LMF1: variants seen among roughly 807,000 people sequenced by gnomAD.
LMF1 encodes transmembrane protein 112.
LMF1 carries 68 observed loss-of-function variants against 60.6 expected under a neutral mutation model. The observed-to-expected ratio is 1.12, with a 90% CI of 0.92 to 1.37. The LOEUF is 1.37. LMF1 is among the 40% of genes most tolerant of loss of function. The pLI is 0.00. For missense variants in LMF1, 948 were observed against 767.2 expected, an observed-to-expected ratio of 1.24 and a Z score of -2.78; for synonymous variants, 418 against 324.7, an observed-to-expected ratio of 1.29 and a Z score of -3.09.
At chr16:979,084 C>A (rs549219645) in intron 1 of LMF1, 123 of 453,972 alleles carry the variant, frequency 2.7e-4, no homozygotes, top group Middle Eastern at 1.4e-3. Context: ...TGAGGGTGGC[C>A]CGGCTCCATC....
chr16:893,090 G>A lies in LMF1; in HGVS notation c.664-18C>T. The A allele has an allele frequency of 1.3e-6, 2 of 1,551,606 alleles. No homozygotes were observed. The highest frequency in any genetic ancestry group is 1.7e-6 in the Non-Finnish European group (2 of 1,147,152). On this transcript the variant is annotated intron_variant, in intron 4 of 10. Transcript: ENST00000262301. ...ATCAGGCCCTGCAAGGAAGAGAGCA[G>A]AGGGAGAGTCAGTCACAGGGGCTGG...
intron 1 of LMF1, among the ~76,000 whole-genome samples, chr16:978,096 CGGA>C (rs1567350755): frequency 5.1e-5 from 7 of 137,244 alleles, no homozygotes; most frequent in African/African-American, 8.4e-5. Context: ...CAAACACACA[CGGA>C]CACACACACA....
At chr16:912,416 A>T (rs1416198869) in intron 3 of LMF1, among the ~76,000 whole-genome samples, 1 of 152,214 alleles carries the variant, frequency 6.6e-6, no homozygotes, top group Non-Finnish European at 1.5e-5. Flanking sequence ...ATACTACGGT[A>T]AAGTCAAAAG....
At chr16:952,251 C>T (rs1446674806) in intron 2 of LMF1, among the ~76,000 whole-genome samples, 6 of 152,104 alleles carry the variant, frequency 3.9e-5, no homozygotes, top group African/African-American at 1.4e-4. Flanking sequence ...CCAGCAACAG[C>T]CACACAGTGG....
At chr16:926,005 G>T (rs2071586210) in intron 3 of LMF1, among the ~76,000 whole-genome samples, 1 of 152,118 alleles carries the variant, frequency 6.6e-6, no homozygotes, top group African/African-American at 2.4e-5. Context: ...ATGCATGCAT[G>T]CATGTGTGCT....
Position 950,423 on chromosome 16 carries a change from C to T in LMF1, c.503+3934G>A, listed in dbSNP as rs538799455. On this transcript the variant is annotated intron_variant, in intron 2 of 10. Coordinates refer to ENST00000262301, the MANE Select transcript of LMF1 (RefSeq NM_022773.4). ...GAGCCAACGACAGAGTCAGAGACAA[C>T]GACAGAGTTAGAGACAACGACAGAG... 4.5e-5 allele frequency among the ~76,000 whole-genome samples: 6 copies of T among 132,580 alleles called. 1 individual carries two copies. Among genetic ancestry groups the T allele is most frequent in the Admixed American group, 1.5e-4 (2 of 12,982 alleles). The allele number at this position is 132,580 out of a possible 152,430, so 87.0% of individuals were successfully genotyped here.
In LMF1 at chr16:868,809, C is replaced by T. The variant is rs2069686237; in HGVS notation, c.1529+135G>A. ...GGGGGCCCTTTTTGCTCCCAGCAGG[C>T]CCCACCTCCTGCCTCTGCGGGAGGG... On this transcript the variant is annotated intron_variant, in intron 10 of 10. Coordinates refer to ENST00000262301, the MANE Select transcript of LMF1 (RefSeq NM_022773.4). 1.3e-5 allele frequency: 8 copies of T among 626,864 alleles called. No homozygotes were observed. The South Asian group carries it at 1.5e-4, about 11-fold the overall frequency. 38.8% of individuals were successfully genotyped at this position (626,864 alleles called of 1,614,324 possible). A position where few individuals can be genotyped will look rare whatever the true frequency, so the allele number is the denominator to read the frequency against.
chr16:870,470 T>TAAGGG (rs1272073653), intron 8 of LMF1, among the ~76,000 whole-genome samples: 2 of 152,176 alleles, frequency 1.3e-5, no homozygotes, highest in Non-Finnish European at 2.9e-5. Flanking sequence ...ACGCCCCCAG[T>TAAGGG]AGGCATTCCA....
chr16:898,580 G>A (rs2070725896), intron 4 of LMF1, among the ~76,000 whole-genome samples: 1 of 152,242 alleles, frequency 6.6e-6, no homozygotes, highest in South Asian at 2.1e-4. Context: ...GTAGGGGCCA[G>A]GATTTGGGGC....
upstream of LMF1, among the ~76,000 whole-genome samples, chr16:972,738 C>T (rs1341220615): frequency 6.6e-6 from 1 of 152,232 alleles, no homozygotes; most frequent in Non-Finnish European, 1.5e-5. Context: ...GCGAAGGGCA[C>T]AATGGGGCAT....
intron 2 of LMF1, among the ~76,000 whole-genome samples, chr16:951,251 G>C (rs1284997223): frequency 6.6e-6 from 1 of 151,970 alleles, no homozygotes; most frequent in African/African-American, 2.4e-5. Context: ...GACAGAGTCA[G>C]CCAACGACAG....
chr16:885,755 A>G (rs75089317), intron 5 of LMF1, among the ~76,000 whole-genome samples: 14 of 152,376 alleles, frequency 9.2e-5, no homozygotes, highest in Non-Finnish European at 1.6e-4. Context: ...GTAAGCAGAC[A>G]TAGAGAAATC....
chr16:923,734 G>A (rs1008543574), intron 3 of LMF1, among the ~76,000 whole-genome samples: 2 of 152,134 alleles, frequency 1.3e-5, no homozygotes, highest in Admixed American at 6.5e-5. Context: ...CTCATCAGTG[G>A]CCCCCAATCT....
intron 5 of LMF1, among the ~76,000 whole-genome samples, chr16:884,720 G>T (rs1358654022): frequency 6.6e-6 from 1 of 152,056 alleles, no homozygotes; most frequent in African/African-American, 2.4e-5. Flanking sequence ...GTTAGGTGGA[G>T]GGAGAATGAT....
chr16:965,016 G>A (rs1197905452), intron 1 of LMF1, among the ~76,000 whole-genome samples: 1 of 152,208 alleles, frequency 6.6e-6, no homozygotes, highest in Non-Finnish European at 1.5e-5. Flanking sequence ...CCTAGAGGTC[G>A]GATTTTCAAC....
chr16:856,286 G>T (rs1446648362), intron 10 of LMF1, among the ~76,000 whole-genome samples: 2 of 152,132 alleles, frequency 1.3e-5, no homozygotes, highest in South Asian at 2.1e-4. Context: ...TGGGGACTGA[G>T]GCCAGGTGGT....
chr16:949,094 CAAT>C (rs34042470), intron 2 of LMF1, among the ~76,000 whole-genome samples: 31,020 of 136,848 alleles, frequency 0.23, 4,918 homozygotes, highest in African/African-American at 0.38. Flanking sequence ...GAGTCAGAGA[CAAT>C]GACAGAGCCA....
At chr16:858,878 T>A (rs62641038) in intron 10 of LMF1, among the ~76,000 whole-genome samples, 82 of 24,384 alleles carry the variant, frequency 3.4e-3, no homozygotes, top group Admixed American at 9.9e-3. Flanking sequence ...GAGTGGTGTC[T>A]CGGGACGGGT....
At chr16:871,445 C>T (rs1432413670) in intron 6 of LMF1, 104 bp from the exon 7 acceptor site, 1 of 1,145,564 alleles carries the variant, frequency 8.7e-7, no homozygotes. Flanking sequence ...GAACCTGCAC[C>T]CAGCTCTGCC....
Sources: allele counts gnomAD v4.1 joint callset (sites outside exome capture counted in the v4.1 genomes callset), GRCh38; gene constraint gnomAD v4.1.1; transcripts MANE v1.5; gene names NCBI Gene and HGNC (gene_info 2026-07-23, HGNC 2026-07-21).